Variants in MAML2 observed in about 807,000 individuals in gnomAD.
MAML2 encodes the protein mastermind-like protein 2.
MAML2 carries 22 observed loss-of-function variants against 96.1 expected under a neutral mutation model. The ratio of observed to expected loss-of-function variants is 0.23; its 90% CI spans 0.16 to 0.33. MAML2 has a LOEUF of 0.33. MAML2 is among the 10% of genes least tolerant of loss of function. The pLI, the probability that MAML2 is intolerant of heterozygous loss-of-function variation, is 1.00. For synonymous variants in MAML2, 561 were observed against 521.3 expected (o/e 1.08, Z -1.04); for missense variants, 1,367 against 1,392.4 (o/e 0.98, Z 0.29).
intron 1 of MAML2, among the ~76,000 whole-genome samples, chr11:96,262,298 A>G (rs1257806010): frequency 1.3e-5 from 2 of 152,192 alleles, no homozygotes; most frequent in Non-Finnish European, 1.5e-5. Context: ...GTCATTTATA[A>G]CATTCTCATA....
intron 2 of MAML2, among the ~76,000 whole-genome samples, chr11:96,002,663 T>G (rs1858100587): frequency 5.3e-4 from 1 of 1,892 alleles, no homozygotes; most frequent in Admixed American, 7.1e-3. Flanking sequence ...ATGATGGGGA[T>G]GATGAAGAAT....
At chr11:96,162,260 T>A (rs867025032) in intron 1 of MAML2, among the ~76,000 whole-genome samples, 101 of 151,034 alleles carry the variant, frequency 6.7e-4, no homozygotes, top group Non-Finnish European at 9.6e-4. Flanking sequence ...TTTTTTTTTT[T>A]AATTCATAAG....
chr11:96,209,312 T>G (rs1409429559), intron 1 of MAML2, among the ~76,000 whole-genome samples: 2 of 151,920 alleles, frequency 1.3e-5, no homozygotes, highest in Admixed American at 1.3e-4. Context: ...AGCTCCATCT[T>G]CATCTACTTA....
At chr11:96,104,129 A>C (rs1046774722) in intron 1 of MAML2, among the ~76,000 whole-genome samples, 2 of 152,116 alleles carry the variant, frequency 1.3e-5, no homozygotes, top group African/African-American at 4.8e-5. Flanking sequence ...ACCTACTATA[A>C]TTTCCAAATA....
At chr11:96,186,267 AAGAAC>A (rs1861573580) in intron 1 of MAML2, among the ~76,000 whole-genome samples, 1 of 152,228 alleles carries the variant, frequency 6.6e-6, no homozygotes, top group Non-Finnish European at 1.5e-5. Flanking sequence ...AGTCCCTAGA[AAGAAC>A]AGATACACAA....
At chr11:96,191,290 C>G (rs1459301723) in intron 1 of MAML2, among the ~76,000 whole-genome samples, 11 of 151,506 alleles carry the variant, frequency 7.3e-5, no homozygotes, top group Admixed American at 7.2e-4. Flanking sequence ...ACGGTGAAAC[C>G]CCATCTCTAC....
intron 1 of MAML2, among the ~76,000 whole-genome samples, chr11:96,200,747 G>C (rs114029795): frequency 6.6e-6 from 1 of 152,102 alleles, no homozygotes; most frequent in Non-Finnish European, 1.5e-5. Context: ...GGGGGGATAC[G>C]GGTGGAGAAA....
chr11:96,083,155 C>A (rs939018853), intron 2 of MAML2, among the ~76,000 whole-genome samples: 1 of 152,156 alleles, frequency 6.6e-6, no homozygotes, highest in East Asian at 1.9e-4. Context: ...GTAGGAGCTG[C>A]CCCCCTCCAG....
intron 1 of MAML2, among the ~76,000 whole-genome samples, chr11:96,248,382 G>T (rs1862538754): frequency 6.6e-6 from 1 of 152,120 alleles, no homozygotes; most frequent in Admixed American, 6.5e-5. Context: ...AAAGTGCTGA[G>T]ATTACAGGTG....
Position 96,127,423 on chromosome 11 carries a change from A to C in MAML2, c.514-33906T>G, listed in dbSNP as rs531447985. Among the ~76,000 whole-genome samples the C allele has an allele frequency of 4.6e-5, 7 of 152,304 alleles. No homozygotes were observed. The South Asian group carries it at 1.4e-3, about 32-fold the overall frequency. ...GAGAGTTGCCATAGTTACCTGAGTG[A>C]GCTGTTAAACAGAGCAGAGTCTCCA... On this transcript the variant is annotated intron_variant, in intron 1 of 4. Coordinates refer to ENST00000524717, the MANE Select transcript of MAML2 (RefSeq NM_032427.4).
chr11:96,234,443 T>C (rs1249737927), intron 1 of MAML2, among the ~76,000 whole-genome samples: 3 of 152,176 alleles, frequency 2.0e-5, no homozygotes, highest in African/African-American at 4.8e-5. Context: ...ATCACGCCAT[T>C]GCACTCCAGC....
chr11:96,253,319 T>C (rs546082470), intron 1 of MAML2, among the ~76,000 whole-genome samples: 1 of 152,218 alleles, frequency 6.6e-6, no homozygotes, highest in Non-Finnish European at 1.5e-5. Context: ...ATCTGAGATG[T>C]GCTGCTCTAA....
At chr11:96,093,792 T>C (rs1044221233) in intron 1 of MAML2, among the ~76,000 whole-genome samples, 3 of 152,242 alleles carry the variant, frequency 2.0e-5, no homozygotes, top group African/African-American at 7.2e-5. Context: ...GGTCAATGGA[T>C]ACAGATTCCT....
intron 2 of MAML2, among the ~76,000 whole-genome samples, chr11:96,078,392 T>G (rs1484565507): frequency 1.3e-5 from 2 of 152,236 alleles, no homozygotes; most frequent in African/African-American, 2.4e-5. Flanking sequence ...AGACTTTGGA[T>G]AGGCTAGCAG....
At chr11:96,156,471 G>A (rs1861013386) in intron 1 of MAML2, among the ~76,000 whole-genome samples, 1 of 152,170 alleles carries the variant, frequency 6.6e-6, no homozygotes, top group Non-Finnish European at 1.5e-5. Flanking sequence ...CCCCTGGATA[G>A]CACCCGTTTA....
chr11:96,092,456 G>A lies in MAML2; in HGVS notation c.1575C>T (p.His525=). ...GCTTTTGCTGCATGAGGACATCTAG[G>A]TGCCCACCCTGGGCTGAGGGGCCGG... ...YKAGPSAQGG[H]LDVLMQQKPQ... is the part of the protein sequence containing the mutation. The change falls in exon 2 of 5, where the codon CAC becomes CAT. Residue 525 remains histidine, a synonymous_variant. Transcript: ENST00000524717. This position sits in a 1 kb window ranked among gnomAD's most constrained non-coding sequence, Gnocchi z 4.1. The A allele has an allele frequency of 1.2e-6, 2 of 1,613,092 alleles. No individual in the cohort carries two copies. Among genetic ancestry groups the A allele is most frequent in the East Asian group, 4.5e-5 (2 of 44,870 alleles).
At position 96,147,553 on chromosome 11, in the gene MAML2, C is replaced by T. The variant is rs975211853; in HGVS notation, c.514-54036G>A. Reference sequence around the variant, plus strand: ...AGTTCAAGTCAGAAACTTTTGGATTCGACTCTTCCATGAGCAAAGGCTATG... The same window carrying T: ...AGTTCAAGTCAGAAACTTTTGGATTTGACTCTTCCATGAGCAAAGGCTATG... On this transcript the variant is annotated intron_variant, in intron 1 of 4. Coordinates refer to ENST00000524717, the MANE Select transcript of MAML2 (RefSeq NM_032427.4). Among the ~76,000 whole-genome samples the T allele has an allele frequency of 2.0e-5, 3 of 152,132 alleles. No homozygotes were observed. In the East Asian group the frequency reaches 5.8e-4, roughly 29 times the overall value.
chr11:96,202,817 A>G (rs955870628), intron 1 of MAML2, among the ~76,000 whole-genome samples: 6 of 151,926 alleles, frequency 3.9e-5, no homozygotes, highest in Non-Finnish European at 7.4e-5. Context: ...TGGTAGAGAC[A>G]GGGTTTCACC....
chr11:96,256,327 TTCTC>T (rs745608682), intron 1 of MAML2, among the ~76,000 whole-genome samples: 19 of 152,124 alleles, frequency 1.2e-4, no homozygotes, highest in Non-Finnish European at 2.4e-4. Flanking sequence ...TCCTCCCTGT[TTCTC>T]TCTTTCTTTT....
Sources: gnomAD v4.1 joint callset for allele counts (sites outside exome capture counted in the v4.1 genomes callset) on GRCh38, gnomAD v4.1.1 for gene constraint, Gnocchi (gnomAD v3.1) non-coding constraint, MANE v1.5 for transcripts, NCBI Gene and HGNC (gene_info 2026-07-23, HGNC 2026-07-21) for gene names.